The following KAZN variants were observed in gnomAD, a reference collection of about 807,000 sequenced individuals.
KAZN encodes the protein kazrin, periplakin interacting protein.
KAZN carries 40 observed loss-of-function variants against 87.4 expected under a neutral mutation model. That is an observed-to-expected ratio of 0.46 (90% CI 0.36 to 0.60). KAZN has a LOEUF of 0.60. Ranked by LOEUF, KAZN falls within the 20% of genes least tolerant of loss-of-function variation. KAZN has a pLI of 0.00. For missense variants in KAZN, 898 were observed against 1,073.9 expected (o/e 0.84, Z 2.29); for synonymous variants, 466 against 458.3 (o/e 1.02, Z -0.22).
chr1:14,922,277 C>T (rs1221710160), intron 1 of KAZN, among the ~76,000 whole-genome samples: 2 of 152,184 alleles, frequency 1.3e-5, no homozygotes, highest in Admixed American at 6.5e-5. Flanking sequence ...CTCAGACAGT[C>T]CTGGACCAGA....
chr1:14,616,428 T>C (rs1387699362), intron 1 of KAZN, among the ~76,000 whole-genome samples: 2 of 151,840 alleles, frequency 1.3e-5, no homozygotes, highest in Non-Finnish European at 2.9e-5. Flanking sequence ...ATGGAGTTTA[T>C]GGCTTGGTCT....
intron 1 of KAZN, among the ~76,000 whole-genome samples, chr1:14,745,353 T>G (rs1286806867): frequency 6.6e-6 from 1 of 151,134 alleles, no homozygotes; most frequent in Non-Finnish European, 1.5e-5. Context: ...TCAAAATAGA[T>G]AGGAATGATA....
chr1:14,667,870 G>A (rs890414569), intron 1 of KAZN, among the ~76,000 whole-genome samples: 76 of 151,362 alleles, frequency 5.0e-4, no homozygotes, highest in African/African-American at 1.8e-3. Flanking sequence ...TATACAACTC[G>A]GAGTGATCAA....
chr1:14,274,788 C>T (rs532248382), intron 2 of KAZN, among the ~76,000 whole-genome samples: 6 of 152,194 alleles, frequency 3.9e-5, no homozygotes, highest in Admixed American at 2.0e-4. Flanking sequence ...ACACACATCA[C>T]AGCATGGGAT....
At chr1:14,565,399 T>C (rs1397836013) in intron 2 of KAZN, among the ~76,000 whole-genome samples, 1 of 152,082 alleles carries the variant, frequency 6.6e-6, no homozygotes, top group Non-Finnish European at 1.5e-5. Context: ...AACATTTTAT[T>C]CCTAAAAAAA....
At chr1:13,936,096 GT>G (rs70984301) in intron 1 of KAZN, among the ~76,000 whole-genome samples, 1,049 of 84,868 alleles carry the variant, frequency 0.012, 65 homozygotes, top group African/African-American at 0.04. Context: ...TACAAGTGCA[GT>G]TTTTTTTTTT....
intron 2 of KAZN, among the ~76,000 whole-genome samples, chr1:14,421,137 A>G (rs1354664868): frequency 6.6e-6 from 1 of 152,238 alleles, no homozygotes; most frequent in Non-Finnish European, 1.5e-5. Flanking sequence ...CTACTACTAC[A>G]TCAATTAAAA....
intron 1 of KAZN, among the ~76,000 whole-genome samples, chr1:14,825,396 C>T (rs1646854755): frequency 1.3e-5 from 2 of 152,144 alleles, no homozygotes; most frequent in Non-Finnish European, 2.9e-5. Flanking sequence ...TTCAGTCATC[C>T]CACACTCTCT....
At chr1:14,248,061 T>A (rs1649676322) in intron 2 of KAZN, among the ~76,000 whole-genome samples, 1 of 152,170 alleles carries the variant, frequency 6.6e-6, no homozygotes, top group African/African-American at 2.4e-5. Context: ...TCTAAAAGCA[T>A]CACAAATTAG....
chr1:14,806,736 C>T (rs1646234983), intron 1 of KAZN, among the ~76,000 whole-genome samples: 1 of 152,202 alleles, frequency 6.6e-6, no homozygotes, highest in African/African-American at 2.4e-5. Context: ...GAGCTACTGT[C>T]AGGGAGTAGC....
chr1:14,635,081 A>G (rs1679863633), intron 1 of KAZN, among the ~76,000 whole-genome samples: 1 of 152,212 alleles, frequency 6.6e-6, no homozygotes, highest in African/African-American at 2.4e-5. Context: ...GAAGGGCATC[A>G]GGGGGTTAGG....
intron 1 of KAZN, among the ~76,000 whole-genome samples, chr1:14,158,471 A>G (rs1279305596): frequency 3.3e-5 from 5 of 152,064 alleles, no homozygotes; most frequent in Admixed American, 6.6e-5. Flanking sequence ...AATTATTTCA[A>G]TCTCTTTGTT....
chr1:14,680,759 G>T (rs1226297063), intron 1 of KAZN, among the ~76,000 whole-genome samples: 1 of 152,166 alleles, frequency 6.6e-6, no homozygotes, highest in Non-Finnish European at 1.5e-5. Flanking sequence ...CTAAGTTGTT[G>T]TGTGTTTCAG....
intron 1 of KAZN, among the ~76,000 whole-genome samples, chr1:14,172,923 A>G (rs955715709): frequency 6.6e-6 from 1 of 152,188 alleles, no homozygotes; most frequent in Admixed American, 6.5e-5. Flanking sequence ...TCCTCCAAGT[A>G]TGGCGGTCTC....
rs140546127 is a variant in KAZN at position 14,012,220 on chromosome 1, C to T, written c.91+118464C>T. Among the ~76,000 whole-genome samples the T allele has an allele frequency of 2.9e-3, 449 of 152,290 alleles. 3 individuals are homozygous for T. The highest frequency in any genetic ancestry group is 0.01 in the African/African-American group (434 of 41,554). On this transcript the variant is annotated intron_variant, in intron 1 of 16. Transcript: ENST00000636203. ...GTTTTATTTGGATTTTTTCCAGGAG[C>T]TGTGCCCCATTTTGAAAATGTTCAT...
intron 2 of KAZN, among the ~76,000 whole-genome samples, chr1:14,356,861 A>G (rs1410564744): frequency 6.6e-6 from 1 of 152,168 alleles, no homozygotes; most frequent in Non-Finnish European, 1.5e-5. Context: ...AGGTAGCAGG[A>G]TACCTCCAGC....
chr1:14,318,838 A>G (rs1655836123), intron 2 of KAZN, among the ~76,000 whole-genome samples: 2 of 151,428 alleles, frequency 1.3e-5, no homozygotes, highest in South Asian at 2.1e-4. Flanking sequence ...TCTTAGTTTC[A>G]GATGTTATAC....
chr1:14,916,170 C>CTTTTTTTTTTTT (rs71307000), intron 1 of KAZN, among the ~76,000 whole-genome samples: 45 of 113,562 alleles, frequency 4.0e-4, no homozygotes, highest in Non-Finnish European at 5.5e-4. Context: ...CACTGTTGTT[C>CTTTTTTTTTTTT]TTTTTTTTTT....
upstream of KAZN, among the ~76,000 whole-genome samples, chr1:14,597,980 C>G (rs1485170011): frequency 6.6e-6 from 1 of 152,146 alleles, no homozygotes; most frequent in Non-Finnish European, 1.5e-5. Flanking sequence ...GGAAGAAGCC[C>G]CATCGACGCC....
Sources: allele counts gnomAD v4.1 joint callset (sites outside exome capture counted in the v4.1 genomes callset), GRCh38; gene constraint gnomAD v4.1.1; transcripts MANE v1.5; gene names NCBI Gene and HGNC (gene_info 2026-07-23, HGNC 2026-07-21).